Variants in CYP27A1 observed in about 807,000 individuals in gnomAD.
CYP27A1 encodes cytochrome P450 family 27 subfamily A member 1.
Under a neutral mutation model 58.2 loss-of-function variants are expected in CYP27A1, and 46 were observed. That is an observed-to-expected ratio of 0.79 (90% CI 0.62 to 1.01). The LOEUF is 1.01. CYP27A1 is among the 50% of genes least tolerant of loss of function. The pLI, the probability that CYP27A1 is intolerant of heterozygous loss-of-function variation, is 0.00. For missense variants in CYP27A1, 704 were observed against 687.0 expected, an observed-to-expected ratio of 1.02 and a Z score of -0.28; for synonymous variants, 274 against 285.1, an observed-to-expected ratio of 0.96 and a Z score of 0.39.
At position 218,782,308 on chromosome 2, in the gene CYP27A1, A is replaced by G. The variant is rs1238340088; in HGVS notation, c.126A>G (p.Gly42=). The G allele has an allele frequency of 9.3e-6, 15 of 1,609,156 alleles. No homozygotes were observed. Among genetic ancestry groups the G allele is most frequent in the East Asian group, 2.2e-5 (1 of 44,758 alleles). The change falls in exon 1 of 9, where the codon GGA becomes GGG. Residue 42 remains glycine (G), a synonymous_variant. Coordinates refer to ENST00000258415, the MANE Select transcript of CYP27A1 (RefSeq NM_000784.4). This position sits in a 1 kb window ranked among gnomAD's most constrained non-coding sequence, Gnocchi z 4.1. ...CCCTCCCCTCGGACAAGGCCACCGGAGCTCCCGGAGCCGGGCCTGGTGTCC... is the reference window on the plus strand; with the variant it reads ...CCCTCCCCTCGGACAAGGCCACCGGGGCTCCCGGAGCCGGGCCTGGTGTCC... ...PAALPSDKAT[G]APGAGPGVRR...
chr2:218,812,381 G>A lies in CYP27A1; in HGVS notation c.606G>A (p.Val202=), dbSNP rs1451997056. 1 of 1,614,212 alleles carries A rather than the reference G, an allele frequency of 6.2e-7. No homozygotes were observed. The highest frequency in any genetic ancestry group is 8.5e-7 in the Non-Finnish European group (1 of 1,180,030). ...CAGAGAGTGCTTCGGGGAACCAGGTGTCGGACATGGCTCAACTCTTCTACT... is the reference window on the plus strand; with the variant it reads ...CAGAGAGTGCTTCGGGGAACCAGGTATCGGACATGGCTCAACTCTTCTACT... ...LRAESASGNQ[V]SDMAQLFYYF... Residue 202 remains valine (V), a synonymous_variant, in exon 3 of 9, where the codon GTG becomes GTA. Coordinates refer to ENST00000258415, the MANE Select transcript of CYP27A1 (RefSeq NM_000784.4).
chr2:218,799,926 A>C (rs573609375), intron 1 of CYP27A1, among the ~76,000 whole-genome samples: 1 of 152,220 alleles, frequency 6.6e-6, no homozygotes, highest in Non-Finnish European at 1.5e-5. Flanking sequence ...TGATCAGTGC[A>C]TAAAGCCTCT....
At chr2:218,806,674 A>G (rs918532338) in intron 1 of CYP27A1, among the ~76,000 whole-genome samples, 1 of 152,252 alleles carries the variant, frequency 6.6e-6, no homozygotes, top group African/African-American at 2.4e-5. Flanking sequence ...CATGGCCTCC[A>G]GCCAGGTGTT....
At chr2:218,809,117 G>A (rs548951233) in intron 1 of CYP27A1, among the ~76,000 whole-genome samples, 2 of 151,760 alleles carry the variant, frequency 1.3e-5, no homozygotes, top group South Asian at 4.2e-4. Context: ...CTTTTTTCTT[G>A]TTGATTACAT....
At chr2:218,790,230 G>A (rs983327649) in intron 1 of CYP27A1, among the ~76,000 whole-genome samples, 2 of 152,250 alleles carry the variant, frequency 1.3e-5, no homozygotes, top group South Asian at 4.2e-4. Context: ...GCCTCTCATG[G>A]TCACATATAT....
intron 1 of CYP27A1, among the ~76,000 whole-genome samples, chr2:218,807,622 A>C (rs1943664909): frequency 6.6e-6 from 1 of 151,808 alleles, no homozygotes; most frequent in Admixed American, 6.6e-5. Flanking sequence ...ATCACTTTAT[A>C]TTTATTTATT....
At chr2:218,808,473 C>A (rs1366839786) in intron 1 of CYP27A1, among the ~76,000 whole-genome samples, 1 of 152,186 alleles carries the variant, frequency 6.6e-6, no homozygotes, top group Non-Finnish European at 1.5e-5. Context: ...GTTTTTAACA[C>A]CAAAACTAAG....
intron 1 of CYP27A1, among the ~76,000 whole-genome samples, chr2:218,786,091 A>G (rs907457974): frequency 2.0e-5 from 3 of 152,222 alleles, no homozygotes; most frequent in Admixed American, 6.5e-5. Flanking sequence ...GTTTGAGACC[A>G]GACTGAGAAA....
In CYP27A1 at chr2:218,813,101, G is replaced by C. The variant is rs370304209; in HGVS notation, c.1017+5G>C. 1.2e-5 allele frequency: 19 copies of C among 1,606,418 alleles called. No individual in the cohort carries two copies. The highest frequency in any genetic ancestry group is 1.6e-5 in the Non-Finnish European group (19 of 1,175,170). On this transcript the variant is annotated splice_donor_5th_base_variant and intron_variant, in intron 5 of 8. Transcript: ENST00000258415. ...CTCATGGCTGGAGTGGACACGGTGC[G>C]TGAAGGGGGAGGGTGAGACCAGGGG...
intron 1 of CYP27A1, among the ~76,000 whole-genome samples, chr2:218,806,938 G>T (rs529244735): frequency 1.3e-5 from 2 of 149,696 alleles, no homozygotes. Flanking sequence ...TTTTAGGACA[G>T]GTCTCCTAGG....
chr2:218,814,065 C>T lies in CYP27A1; in HGVS notation c.1062C>T (p.Asp354=). 6.2e-7 allele frequency: 1 copy of T among 1,614,260 alleles called. No individual in the cohort carries two copies. Among genetic ancestry groups the T allele is most frequent in the African/African-American group, 1.3e-5 (1 of 75,074 alleles). The change falls in exon 6 of 9, where the codon GAC becomes GAT. Residue 354 remains aspartate (D), a synonymous_variant. Transcript: ENST00000258415. ...LTWALYHLSK[D]PEIQEALHEE... ...GGGCCCTGTACCACCTCTCAAAGGA[C>T]CCTGAGATCCAGGAGGCCTTGCACG...
At chr2:218,787,576 T>C (rs1487276561) in intron 1 of CYP27A1, among the ~76,000 whole-genome samples, 3 of 152,218 alleles carry the variant, frequency 2.0e-5, no homozygotes, top group Non-Finnish European at 2.9e-5. Context: ...CGATCTCCAA[T>C]GCAACAGTGT....
chr2:218,797,957 A>G (rs1396596141), intron 1 of CYP27A1, among the ~76,000 whole-genome samples: 1 of 152,234 alleles, frequency 6.6e-6, no homozygotes, highest in African/African-American at 2.4e-5. Flanking sequence ...TATCTAATTT[A>G]AAACAATCTT....
intron 1 of CYP27A1, among the ~76,000 whole-genome samples, chr2:218,798,124 T>C (rs1323865023): frequency 6.6e-6 from 1 of 152,100 alleles, no homozygotes; most frequent in Non-Finnish European, 1.5e-5. Flanking sequence ...TGCCTCAGCC[T>C]CCCGAGTAGC....
At chr2:218,804,955 C>T (rs1272130826) in intron 1 of CYP27A1, among the ~76,000 whole-genome samples, 1 of 152,140 alleles carries the variant, frequency 6.6e-6, no homozygotes, top group Non-Finnish European at 1.5e-5. Context: ...TAGTTGGCTG[C>T]CTTCTTCCTG....
At chr2:218,800,275 C>G (rs1427281330) in intron 1 of CYP27A1, among the ~76,000 whole-genome samples, 1 of 152,020 alleles carries the variant, frequency 6.6e-6, no homozygotes, top group Non-Finnish European at 1.5e-5. Context: ...AATCAGTCTT[C>G]AAGGCTCAGG....
intron 1 of CYP27A1, among the ~76,000 whole-genome samples, chr2:218,793,863 G>A (rs1234396858): frequency 1.3e-5 from 2 of 151,864 alleles, no homozygotes; most frequent in Non-Finnish European, 2.9e-5. Flanking sequence ...ATAGGTATGC[G>A]CCACCATGCT....
At position 218,798,246 on chromosome 2, in the gene CYP27A1, C is replaced by A. The variant is rs958408125; in HGVS notation, c.256-11331C>A. Among the ~76,000 whole-genome samples, 8 of 152,288 alleles carry A rather than the reference C, an allele frequency of 5.3e-5. No individual in the cohort carries two copies. The South Asian group carries it at 6.2e-4, about 12-fold the overall frequency. Reference sequence around the variant, plus strand: ...TCTCAAGCTCCTGACCTCAGGTGATCCACCTGCCTTGGCCTCCCAAAGTTC... The same window carrying A: ...TCTCAAGCTCCTGACCTCAGGTGATACACCTGCCTTGGCCTCCCAAAGTTC... On this transcript the variant is annotated intron_variant, in intron 1 of 8. Coordinates refer to ENST00000258415, the MANE Select transcript of CYP27A1 (RefSeq NM_000784.4).
At chr2:218,803,722 CTTT>C (rs71040407) in intron 1 of CYP27A1, among the ~76,000 whole-genome samples, 655 of 57,752 alleles carry the variant, frequency 0.011, 5 homozygotes, top group African/African-American at 0.02. Context: ...GTGCCCCCGT[CTTT>C]TTTTTTTTTT....
Sources: allele counts gnomAD v4.1 joint callset (sites outside exome capture counted in the v4.1 genomes callset), GRCh38; gene constraint gnomAD v4.1.1; non-coding constraint Gnocchi (gnomAD v3.1); transcripts MANE v1.5; gene names NCBI Gene and HGNC (gene_info 2026-07-23, HGNC 2026-07-21).